Variants in PHACTR1 observed in about 807,000 individuals in gnomAD.
The protein encoded by PHACTR1 is phosphatase and actin regulator 1, also known as RPEL repeat containing 1.
PHACTR1 carries 16 observed loss-of-function variants against 69.2 expected under a neutral mutation model. The observed-to-expected ratio is 0.23, with a 90% CI of 0.16 to 0.35. The LOEUF is 0.35. Ranked by LOEUF, PHACTR1 falls within the 10% of genes least tolerant of loss-of-function variation. PHACTR1 has a pLI of 1.00. For synonymous variants in PHACTR1, 312 were observed against 284.5 expected, an observed-to-expected ratio of 1.10 and a Z score of -0.97; for missense variants, 510 against 734.7, an observed-to-expected ratio of 0.69 and a Z score of 3.54.
intron 5 of PHACTR1, among the ~76,000 whole-genome samples, chr6:13,115,392 TTCTC>T (rs374784660): frequency 6.6e-6 from 1 of 151,304 alleles, no homozygotes; most frequent in East Asian, 1.9e-4. Flanking sequence ...CTCTCTCCCT[TTCTC>T]TCTCTCTCTC....
chr6:12,902,649 G>C (rs1474537604), intron 4 of PHACTR1, among the ~76,000 whole-genome samples: 1 of 152,046 alleles, frequency 6.6e-6, no homozygotes, highest in Non-Finnish European at 1.5e-5. Context: ...GCATAACCTG[G>C]ATTTTCTTTT....
chr6:12,963,587 C>T (rs921344478), intron 4 of PHACTR1, among the ~76,000 whole-genome samples: 3 of 152,268 alleles, frequency 2.0e-5, no homozygotes, highest in African/African-American at 7.2e-5. Flanking sequence ...CCTCCAGTGC[C>T]CAAGAAGGAT....
chr6:13,096,866 TC>T (rs1320634845), intron 5 of PHACTR1, among the ~76,000 whole-genome samples: 2 of 152,224 alleles, frequency 1.3e-5, no homozygotes, highest in African/African-American at 4.8e-5. Context: ...AGCTTCTCCC[TC>T]CTGTCGTGCG....
chr6:12,740,374 A>G (rs1764878501), intron 3 of PHACTR1, among the ~76,000 whole-genome samples: 2 of 152,100 alleles, frequency 1.3e-5, no homozygotes, highest in African/African-American at 2.4e-5. Context: ...TCAGCATTGC[A>G]TGGATGCTCC....
intron 5 of PHACTR1, among the ~76,000 whole-genome samples, chr6:13,148,210 TAAGAG>T (rs1823736286): frequency 6.8e-6 from 1 of 148,134 alleles, no homozygotes; most frequent in Non-Finnish European, 1.5e-5. Context: ...TTTGCAAACA[TAAGAG>T]AAGTTGAGAG....
At chr6:13,230,402 A>G in intron 10 of PHACTR1, 1 of 1,195,050 alleles carries the variant, frequency 8.4e-7, no homozygotes, top group Non-Finnish European at 1.1e-6. Flanking sequence ...AAATGCAAAA[A>G]TTAGTCAGGC....
chr6:12,763,215 A>AAACAAC lies in PHACTR1; in HGVS notation c.250+13461_250+13466dup, dbSNP rs71701647. Among the ~76,000 whole-genome samples the AAACAAC allele has an allele frequency of 2.2e-3, 332 of 150,104 alleles. 1 individual carries two copies. Among genetic ancestry groups the AAACAAC allele is most frequent in the East Asian group, 0.012 (61 of 5,030 alleles). On this transcript the variant is annotated intron_variant, in intron 4 of 14. Transcript: ENST00000332995. ...GCAACAAGGTGAAACTCCGTCTCAA[A>AAACAAC]AACAACAACAACAACAACAACAACA...
At chr6:12,751,316 G>A (rs959917710) in intron 4 of PHACTR1, among the ~76,000 whole-genome samples, 2 of 152,212 alleles carry the variant, frequency 1.3e-5, no homozygotes, top group Admixed American at 6.5e-5. Context: ...TCTATGGCAT[G>A]CTGTAGTAGT....
intron 5 of PHACTR1, among the ~76,000 whole-genome samples, chr6:13,088,217 T>C (rs772555319): frequency 2.6e-5 from 4 of 152,084 alleles, no homozygotes; most frequent in Non-Finnish European, 5.9e-5. Context: ...TTAAAAACAA[T>C]TGAATTCATA....
intron 4 of PHACTR1, among the ~76,000 whole-genome samples, chr6:12,931,247 G>A (rs1013075511): frequency 6.6e-6 from 1 of 151,340 alleles, no homozygotes; most frequent in African/African-American, 2.5e-5. Flanking sequence ...TGAGAAGGAG[G>A]TAAAGGAAGT....
chr6:12,781,308 CAACT>C (rs1770789738), intron 4 of PHACTR1, among the ~76,000 whole-genome samples: 1 of 152,106 alleles, frequency 6.6e-6, no homozygotes, highest in South Asian at 2.1e-4. Context: ...AGAATCCAGA[CAACT>C]TGTGCACCTG....
At chr6:13,185,018 G>A (rs778361832) in intron 7 of PHACTR1, 23 of 1,348,116 alleles carry the variant, frequency 1.7e-5, no homozygotes, top group Middle Eastern at 2.1e-4. Context: ...GAGTGCAGAC[G>A]TCTTCTGGGG....
At chr6:13,156,334 C>T (rs1227281353) in intron 5 of PHACTR1, among the ~76,000 whole-genome samples, 2 of 152,206 alleles carry the variant, frequency 1.3e-5, no homozygotes, top group African/African-American at 2.4e-5. Flanking sequence ...CAGCATGTCA[C>T]TTTAACTTGG....
chr6:13,133,225 CTCCCCCT>C (rs1269018088), intron 5 of PHACTR1, among the ~76,000 whole-genome samples: 5 of 53,352 alleles, frequency 9.4e-5, no homozygotes, highest in Non-Finnish European at 1.9e-4. Context: ...CCCCCTCCCC[CTCCCCCT>C]CTCCCTCTCC....
At chr6:12,986,685 G>T (rs1796228379) in intron 4 of PHACTR1, among the ~76,000 whole-genome samples, 1 of 152,198 alleles carries the variant, frequency 6.6e-6, no homozygotes, top group Non-Finnish European at 1.5e-5. Context: ...CAGACCCCAT[G>T]ATGCCAGCAT....
At chr6:12,917,336 A>T (rs183090376) in intron 4 of PHACTR1, among the ~76,000 whole-genome samples, 59 of 152,254 alleles carry the variant, frequency 3.9e-4, no homozygotes, top group Non-Finnish European at 7.8e-4. Context: ...CTTGCTTGGG[A>T]TGGGGTGGAG....
chr6:13,229,204 T>C (rs1371457620), intron 9 of PHACTR1, among the ~76,000 whole-genome samples: 3 of 152,226 alleles, frequency 2.0e-5, no homozygotes, highest in African/African-American at 4.8e-5. Context: ...GATAATTCTT[T>C]GGTGTGGGGC....
chr6:13,133,309 C>T (rs1820835368), intron 5 of PHACTR1, among the ~76,000 whole-genome samples: 1 of 147,852 alleles, frequency 6.8e-6, no homozygotes, highest in Non-Finnish European at 1.5e-5. Flanking sequence ...CCCTCTCCCT[C>T]TCCCTCTCTC....
chr6:13,110,518 AG>A (rs1816872180), intron 5 of PHACTR1, among the ~76,000 whole-genome samples: 1 of 152,206 alleles, frequency 6.6e-6, no homozygotes, highest in African/African-American at 2.4e-5. Context: ...CTAAAAACGC[AG>A]GAGGATTTCT....
Sources: allele counts gnomAD v4.1 joint callset (sites outside exome capture counted in the v4.1 genomes callset), GRCh38; gene constraint gnomAD v4.1.1; transcripts MANE v1.5; gene names NCBI Gene and HGNC (gene_info 2026-07-23, HGNC 2026-07-21).